Variants in TENM3 observed in about 807,000 individuals in gnomAD.
TENM3 encodes teneurin-3.
TENM3 carries 63 observed loss-of-function variants against 255.1 expected under a neutral mutation model. The ratio of observed to expected loss-of-function variants is 0.25; its 90% CI spans 0.20 to 0.30. The LOEUF (loss-of-function observed/expected upper bound fraction) is 0.30, where lower values mean the gene tolerates loss of function less well. TENM3 is among the 10% of genes least tolerant of loss of function. The probability of loss-of-function intolerance (pLI) is 1.00; values close to 1 mark genes in which losing one functional copy is unlikely to be tolerated. For synonymous variants in TENM3, 1,306 were observed against 1,322.3 expected, an observed-to-expected ratio of 0.99 and a Z score of 0.27; for missense variants, 2,929 against 3,461.1, an observed-to-expected ratio of 0.85 and a Z score of 3.86.
At chr4:181,688,682 TA>T in the TENM3 span, among the ~76,000 whole-genome samples, 2 of 152,276 alleles carry the variant, frequency 1.3e-5, no homozygotes, top group African/African-American at 4.8e-5. Flanking sequence ...TGGGAAACAA[TA>T]TTTTTTCTTG....
intron 24 of TENM3, among the ~76,000 whole-genome samples, chr4:182,775,692 C>G (rs1263730120): frequency 6.6e-6 from 1 of 152,132 alleles, no homozygotes; most frequent in Non-Finnish European, 1.5e-5. Flanking sequence ...CACACCTGTT[C>G]TCAGATGCAG....
At chr4:182,152,857 G>A (rs1750439319) in intron 1 of TENM3, among the ~76,000 whole-genome samples, 1 of 151,756 alleles carries the variant, frequency 6.6e-6, no homozygotes, top group Non-Finnish European at 1.5e-5. Flanking sequence ...GAAAAAAGAT[G>A]TAATTTTAAA....
intron 1 of TENM3, among the ~76,000 whole-genome samples, chr4:182,170,138 CAT>C (rs1308778870): frequency 6.6e-6 from 1 of 151,578 alleles, no homozygotes; most frequent in Admixed American, 6.6e-5. Flanking sequence ...TTCTGTGTTT[CAT>C]ATGTCTTTCA....
At chr4:182,672,400 A>C (rs2152551782) in intron 6 of TENM3, among the ~76,000 whole-genome samples, 1 of 152,222 alleles carries the variant, frequency 6.6e-6, no homozygotes, top group South Asian at 2.1e-4. Context: ...GCCTACACAA[A>C]AGCTATGTGA....
At chr4:181,703,145 T>C in the TENM3 span, among the ~76,000 whole-genome samples, 2 of 152,200 alleles carry the variant, frequency 1.3e-5, no homozygotes, top group Non-Finnish European at 2.9e-5. Context: ...GACTCGCTGC[T>C]ACTCAGTCAG....
the TENM3 span, among the ~76,000 whole-genome samples, chr4:181,473,765 A>G: frequency 1.3e-5 from 2 of 151,196 alleles, no homozygotes; most frequent in Non-Finnish European, 2.9e-5. Context: ...AATTATGTGT[A>G]TGTACACATA....
intron 3 of TENM3, among the ~76,000 whole-genome samples, chr4:182,418,852 C>T (rs1580473340): frequency 6.6e-6 from 1 of 152,120 alleles, no homozygotes; most frequent in African/African-American, 2.4e-5. Context: ...TGTGTGCCAC[C>T]GTGCCAGGCC....
At chr4:181,723,061 G>T in the TENM3 span, among the ~76,000 whole-genome samples, 1 of 152,062 alleles carries the variant, frequency 6.6e-6, no homozygotes, top group Admixed American at 6.6e-5. Context: ...GATAAAATGT[G>T]TGTTCTACTA....
At chr4:182,553,919 A>G (rs947767818) in intron 3 of TENM3, among the ~76,000 whole-genome samples, 2 of 152,146 alleles carry the variant, frequency 1.3e-5, no homozygotes, top group Non-Finnish European at 2.9e-5. Context: ...TGCCAAATGA[A>G]CAATTTTATG....
At chr4:182,662,777 C>T (rs1754337792) in intron 6 of TENM3, among the ~76,000 whole-genome samples, 2 of 152,298 alleles carry the variant, frequency 1.3e-5, no homozygotes, top group African/African-American at 4.8e-5. Flanking sequence ...CAAGTATTTA[C>T]AAGTTTATCA....
At chr4:182,593,215 C>A (rs1232766032) in intron 3 of TENM3, among the ~76,000 whole-genome samples, 1 of 152,150 alleles carries the variant, frequency 6.6e-6, no homozygotes, top group African/African-American at 2.4e-5. Context: ...TTCATTTATT[C>A]CACTTGCTAT....
intron 22 of TENM3, among the ~76,000 whole-genome samples, chr4:182,763,787 C>G (rs552130646): frequency 6.6e-6 from 1 of 152,110 alleles, no homozygotes; most frequent in Non-Finnish European, 1.5e-5. Context: ...ATGACTAAAC[C>G]TCAAACCTTT....
intron 4 of TENM3, among the ~76,000 whole-genome samples, chr4:182,625,870 G>A (rs1232405612): frequency 6.6e-6 from 1 of 152,166 alleles, no homozygotes; most frequent in Non-Finnish European, 1.5e-5. Flanking sequence ...ATCCTGAAAA[G>A]AGCGAGAATC....
At chr4:181,489,252 C>T in the TENM3 span, among the ~76,000 whole-genome samples, 3 of 152,206 alleles carry the variant, frequency 2.0e-5, no homozygotes, top group Non-Finnish European at 4.4e-5. Context: ...ACTTGTATCA[C>T]TTCCAATTTC....
chr4:182,689,201 T>A lies in TENM3; in HGVS notation c.2221+850T>A, dbSNP rs559088505. On this transcript the variant is annotated intron_variant, in intron 12 of 27. Coordinates refer to ENST00000511685, the MANE Select transcript of TENM3 (RefSeq NM_001080477.4). ...TATAAGTGGCACGGTCCTACCAAAA[T>A]TTCAGAATTTGTGGTATAGTATTTC... is the stretch of plus-strand genomic sequence containing the variant. Among the ~76,000 whole-genome samples the A allele has an allele frequency of 1.3e-3, 191 of 152,302 alleles. 1 individual carries two copies. The highest frequency in any genetic ancestry group is 4.5e-3 in the African/African-American group (185 of 41,568).
chr4:182,294,291 A>T (rs1352814308), intron 1 of TENM3, among the ~76,000 whole-genome samples: 1 of 151,864 alleles, frequency 6.6e-6, no homozygotes, highest in African/African-American at 2.4e-5. Context: ...AGATTTCTAG[A>T]TTGAAGATCT....
chr4:182,405,436 A>G (rs573563676), intron 3 of TENM3, among the ~76,000 whole-genome samples: 1 of 152,342 alleles, frequency 6.6e-6, no homozygotes, highest in South Asian at 2.1e-4. Flanking sequence ...ATGCATGTTG[A>G]GTGTATGGAA....
At chr4:182,454,751 A>G (rs1370770172) in intron 3 of TENM3, among the ~76,000 whole-genome samples, 2 of 152,310 alleles carry the variant, frequency 1.3e-5, no homozygotes, top group African/African-American at 4.8e-5. Flanking sequence ...TTTTATATCA[A>G]CTCCAATAAA....
chr4:182,761,061 A>T (rs1763150832), intron 22 of TENM3, among the ~76,000 whole-genome samples: 1 of 152,210 alleles, frequency 6.6e-6, no homozygotes, highest in African/African-American at 2.4e-5. Context: ...GCCTGGCTGC[A>T]GTGCCATGCT....
Sources: allele counts gnomAD v4.1 joint callset (sites outside exome capture counted in the v4.1 genomes callset), GRCh38; gene constraint gnomAD v4.1.1; transcripts MANE v1.5; gene names NCBI Gene and HGNC (gene_info 2026-07-23, HGNC 2026-07-21).